The following JAM2 variants were observed in gnomAD, a reference collection of about 807,000 sequenced individuals.
JAM2 encodes the protein junctional adhesion molecule 2, also known as junctional adhesion molecule B.
Under a neutral mutation model 42.0 loss-of-function variants are expected in JAM2, and 17 were observed. That is an observed-to-expected ratio of 0.40 (90% CI 0.28 to 0.61). The LOEUF (loss-of-function observed/expected upper bound fraction) is 0.61, where lower values mean the gene tolerates loss of function less well. Ranked by LOEUF, JAM2 falls within the 20% of genes least tolerant of loss-of-function variation. JAM2 has a pLI of 0.37. For synonymous variants in JAM2, 118 were observed against 128.6 expected, an observed-to-expected ratio of 0.92 and a Z score of 0.56; for missense variants, 319 against 358.3, an observed-to-expected ratio of 0.89 and a Z score of 0.89.
intron 6 of JAM2, among the ~76,000 whole-genome samples, chr21:25,702,919 C>T (rs1176484247): frequency 6.6e-6 from 1 of 152,082 alleles, no homozygotes; most frequent in East Asian, 1.9e-4. Flanking sequence ...GTGTCGTGAT[C>T]TCGGCTCACT....
chr21:25,677,369 A>G (rs983886774), intron 1 of JAM2, among the ~76,000 whole-genome samples: 1 of 152,222 alleles, frequency 6.6e-6, no homozygotes, highest in Non-Finnish European at 1.5e-5. Context: ...ATTAATATAC[A>G]CATAAAAAAT....
intron 1 of JAM2, among the ~76,000 whole-genome samples, chr21:25,666,434 C>T (rs981270365): frequency 2.0e-5 from 3 of 152,058 alleles, no homozygotes; most frequent in Non-Finnish European, 4.4e-5. Flanking sequence ...AAGCTATTCT[C>T]CTGCCTCAGC....
chr21:25,659,793 TAAG>T lies in JAM2; in HGVS notation c.67+19910_67+19912del, dbSNP rs575473363. Among the ~76,000 whole-genome samples, 30 of 152,336 alleles carry T rather than the reference TAAG, an allele frequency of 2.0e-4. No homozygotes were observed. In the South Asian group the frequency reaches 5.4e-3, roughly 27 times the overall value. On this transcript the variant is annotated intron_variant, in intron 1 of 9. Coordinates refer to ENST00000480456, the MANE Select transcript of JAM2 (RefSeq NM_021219.4). The stretch of plus-strand genomic sequence containing the variant: ...TATTATGCATACTATTCTTGACAGA[TAAG>T]AAGACTTAAAACAATAATTATCCCA...
intron 5 of JAM2, among the ~76,000 whole-genome samples, chr21:25,699,621 G>C (rs1213209667): frequency 1.3e-5 from 2 of 151,144 alleles, no homozygotes; most frequent in Admixed American, 6.6e-5. Flanking sequence ...TACTCGGGAG[G>C]CTGAGGCAGG....
chr21:25,693,935 CG>C lies in JAM2; in HGVS notation c.394+28del, dbSNP rs752725264. ...TGATGTGCATGTATGTGTGTGACTACGTCTCCCACTCCTTCTCCACCACCCA... is the reference window on the plus strand; with the variant it reads ...TGATGTGCATGTATGTGTGTGACTACTCTCCCACTCCTTCTCCACCACCCA... On this transcript the variant is annotated intron_variant, in intron 4 of 9. Transcript: ENST00000480456. 12 of 1,605,714 alleles carry C rather than the reference CG, an allele frequency of 7.5e-6. No homozygotes were observed. In the East Asian group the frequency reaches 2.7e-4, roughly 36 times the overall value.
chr21:25,641,504 TG>T (rs1339695865), intron 1 of JAM2, among the ~76,000 whole-genome samples: 3 of 152,258 alleles, frequency 2.0e-5, no homozygotes, highest in Admixed American at 6.5e-5. Flanking sequence ...CTATAGGGGA[TG>T]TATTTGGAAG....
At chr21:25,689,583 T>C (rs945046744) in intron 2 of JAM2, among the ~76,000 whole-genome samples, 1 of 152,220 alleles carries the variant, frequency 6.6e-6, no homozygotes, top group Non-Finnish European at 1.5e-5. Flanking sequence ...GCATATCTTA[T>C]TGCATTTGAA....
intron 5 of JAM2, among the ~76,000 whole-genome samples, chr21:25,699,440 C>T (rs190720609): frequency 1.2e-4 from 18 of 152,040 alleles, no homozygotes; most frequent in African/African-American, 3.6e-4. Context: ...AAAAATTGCG[C>T]GGCCGGGCGC....
intron 3 of JAM2, among the ~76,000 whole-genome samples, chr21:25,690,456 T>C (rs2033854650): frequency 6.6e-6 from 1 of 152,110 alleles, no homozygotes; most frequent in Non-Finnish European, 1.5e-5. Context: ...AGTCCCCAAG[T>C]AGGTGGGACT....
At chr21:25,676,456 T>G (rs2033499691) in intron 1 of JAM2, among the ~76,000 whole-genome samples, 1 of 152,128 alleles carries the variant, frequency 6.6e-6, no homozygotes, top group Admixed American at 6.6e-5. Context: ...CCAGACTATC[T>G]TAGATGAGTA....
intron 1 of JAM2, among the ~76,000 whole-genome samples, chr21:25,663,357 CA>C (rs2033138795): frequency 6.6e-6 from 1 of 152,180 alleles, no homozygotes; most frequent in Admixed American, 6.5e-5. Flanking sequence ...GGATGAACTG[CA>C]AACTTGTCCA....
intron 8 of JAM2, among the ~76,000 whole-genome samples, chr21:25,711,784 A>AAGGGTGAC (rs2034388796): frequency 6.6e-6 from 1 of 152,180 alleles, no homozygotes; most frequent in Admixed American, 6.5e-5. Flanking sequence ...CGTAAGTGGG[A>AAGGGTGAC]AGGGTGACAT....
intron 1 of JAM2, among the ~76,000 whole-genome samples, chr21:25,671,302 C>CA (rs11440333): frequency 0.86 from 129,748 of 151,702 alleles, 57,534 homozygotes; most frequent in Non-Finnish European, 0.96. Context: ...AAAAATAATA[C>CA]AAAAAAATGC....
chr21:25,690,531 T>C (rs2033856718), intron 3 of JAM2, among the ~76,000 whole-genome samples: 1 of 152,054 alleles, frequency 6.6e-6, no homozygotes, highest in Non-Finnish European at 1.5e-5. Flanking sequence ...TTTGTAGAGA[T>C]GAGGTGAGGT....
intron 1 of JAM2, among the ~76,000 whole-genome samples, chr21:25,665,319 A>C (rs1012506794): frequency 6.6e-6 from 1 of 152,246 alleles, no homozygotes; most frequent in Non-Finnish European, 1.5e-5. Flanking sequence ...CAGCATTCTC[A>C]GAACAAAATA....
intron 1 of JAM2, among the ~76,000 whole-genome samples, chr21:25,662,651 G>T (rs1363867865): frequency 1.3e-5 from 2 of 152,062 alleles, no homozygotes; most frequent in Non-Finnish European, 2.9e-5. Flanking sequence ...GGTATTGTCT[G>T]TTGGTCTCAT....
At chr21:25,651,660 T>C (rs1313187115) in intron 1 of JAM2, among the ~76,000 whole-genome samples, 2 of 152,250 alleles carry the variant, frequency 1.3e-5, no homozygotes, top group Non-Finnish European at 2.9e-5. Flanking sequence ...CAGGACATGC[T>C]TTATGCATGG....
intron 9 of JAM2, chr21:25,714,134 T>C (rs1316531781): frequency 1.6e-6 from 2 of 1,284,676 alleles, no homozygotes; most frequent in African/African-American, 1.5e-5. Flanking sequence ...ACCTCTTTAC[T>C]CTCTAGGCAA....
chr21:25,672,988 T>A (rs558656545), intron 1 of JAM2, among the ~76,000 whole-genome samples: 1 of 152,330 alleles, frequency 6.6e-6, no homozygotes, highest in South Asian at 2.1e-4. Flanking sequence ...GTCTACTAGA[T>A]TTGAATTGAC....
Sources: allele counts gnomAD v4.1 joint callset (sites outside exome capture counted in the v4.1 genomes callset), GRCh38; gene constraint gnomAD v4.1.1; transcripts MANE v1.5; gene names NCBI Gene and HGNC (gene_info 2026-07-23, HGNC 2026-07-21).